ADCY10: variants seen among roughly 807,000 people sequenced by gnomAD.
The protein encoded by ADCY10 is adenylate cyclase type 10.
Under a neutral mutation model 183.3 loss-of-function variants are expected in ADCY10, and 156 were observed. The observed-to-expected ratio is 0.85, with a 90% CI of 0.75 to 0.97. The LOEUF (loss-of-function observed/expected upper bound fraction) is 0.97. ADCY10 is among the 50% of genes least tolerant of loss of function. The pLI is 0.00. For synonymous variants in ADCY10, 645 were observed against 670.0 expected, an observed-to-expected ratio of 0.96 and a Z score of 0.58; for missense variants, 1,745 against 1,934.3, an observed-to-expected ratio of 0.90 and a Z score of 1.84.
intron 25 of ADCY10, among the ~76,000 whole-genome samples, chr1:167,832,717 A>G (rs552348226): frequency 6.6e-6 from 1 of 152,332 alleles, no homozygotes; most frequent in Non-Finnish European, 1.5e-5. Flanking sequence ...TAGATGAGTT[A>G]GGACGGACCC....
chr1:167,888,758 C>A (rs1316186442), intron 8 of ADCY10, among the ~76,000 whole-genome samples: 1 of 151,722 alleles, frequency 6.6e-6, no homozygotes, highest in South Asian at 2.1e-4. Flanking sequence ...CGCCTGTGGT[C>A]CCAGCTACTC....
chr1:167,812,709 A>G (rs1662297583), intron 31 of ADCY10, among the ~76,000 whole-genome samples: 2 of 152,208 alleles, frequency 1.3e-5, no homozygotes, highest in African/African-American at 4.8e-5. Flanking sequence ...CTACACAAAG[A>G]TTTTTAAACA....
chr1:167,837,415 T>C (rs750512751), intron 21 of ADCY10, 97 bp from the exon 22 acceptor site: 12 of 1,077,992 alleles, frequency 1.1e-5, no homozygotes, highest in East Asian at 7.4e-5. Flanking sequence ...CTTTTCGGAG[T>C]TGTTGCTGCC....
chr1:167,906,000 GA>G lies in ADCY10; in HGVS notation c.-58-803del, dbSNP rs1208133036. Reference sequence around the variant, plus strand: ...CCAAGTTACTGGAATAGGTTATACAGAAAATATAAGAGGATTTGTTTTTTTA... The same window carrying G: ...CCAAGTTACTGGAATAGGTTATACAGAAATATAAGAGGATTTGTTTTTTTA... On this transcript the variant is annotated intron_variant, in intron 1 of 32. Coordinates refer to ENST00000367851, the MANE Select transcript of ADCY10 (RefSeq NM_018417.6). 2.6e-5 allele frequency among the ~76,000 whole-genome samples: 4 copies of G among 152,240 alleles called. No individual in the cohort carries two copies. In the East Asian group the frequency reaches 7.7e-4, roughly 29 times the overall value.
At chr1:167,881,796 G>T (rs186264083) in intron 9 of ADCY10, among the ~76,000 whole-genome samples, 1 of 152,344 alleles carries the variant, frequency 6.6e-6, no homozygotes, top group East Asian at 1.9e-4. Context: ...TTGGAGCCAT[G>T]TCTGCAAGAC....
chr1:167,873,343 C>T (rs1182108471), intron 13 of ADCY10, among the ~76,000 whole-genome samples: 1 of 152,132 alleles, frequency 6.6e-6, no homozygotes, highest in East Asian at 1.9e-4. Flanking sequence ...TTTCTGCTGG[C>T]CCAAGTGTTT....
intron 1 of ADCY10, among the ~76,000 whole-genome samples, chr1:167,908,986 A>T (rs1669979924): frequency 6.6e-6 from 1 of 152,244 alleles, no homozygotes; most frequent in Non-Finnish European, 1.5e-5. Context: ...AAGGTGAGCA[A>T]ATCCGTGTAA....
intron 25 of ADCY10, among the ~76,000 whole-genome samples, chr1:167,832,317 A>G (rs1663795972): frequency 6.6e-6 from 1 of 152,214 alleles, no homozygotes; most frequent in African/African-American, 2.4e-5. Flanking sequence ...AGCAAACAAG[A>G]GTATGATGAG....
In ADCY10 at chr1:167,904,819, A is replaced by C. The variant is rs921661939; in HGVS notation, c.148+174T>G. The C allele has an allele frequency of 4.1e-5, 32 of 787,512 alleles. 1 individual carries two copies. The highest frequency in any genetic ancestry group is 6.3e-5 in the Admixed American group (3 of 47,676). 48.8% of individuals were successfully genotyped at this position (787,512 alleles called of 1,614,324 possible). ...AGTCCTGAGTAAGGGAGGATGAGAG[A>C]GAGCCAGGGCCACAAGCTATTTCCT... is the stretch of plus-strand genomic sequence containing the variant. On this transcript the variant is annotated intron_variant, in intron 2 of 32. Transcript: ENST00000367851.
chr1:167,891,789 C>T (rs1668613990), intron 8 of ADCY10, among the ~76,000 whole-genome samples: 1 of 152,004 alleles, frequency 6.6e-6, no homozygotes, highest in Non-Finnish European at 1.5e-5. Context: ...CGAAATAGCA[C>T]AGAAGTGTCA....
chr1:167,833,873 T>A, intron 24 of ADCY10, 97 bp downstream of exon 24: 1 of 946,206 alleles, frequency 1.1e-6, no homozygotes, highest in African/African-American at 1.6e-5. Context: ...TGGCAAGAGA[T>A]GGGAGGAGGG....
chr1:167,816,616 A>C (rs1662546214), intron 31 of ADCY10, among the ~76,000 whole-genome samples: 1 of 152,206 alleles, frequency 6.6e-6, no homozygotes, highest in African/African-American at 2.4e-5. Context: ...CAACAAAAAA[A>C]GAATTGCCTT....
rs71100905 is a variant in ADCY10, at chr1:167,841,502, C to CT, written c.3007+4060dup. 9.9e-3 allele frequency among the ~76,000 whole-genome samples: 896 copies of CT among 90,892 alleles called. 13 individuals carry two copies. Among genetic ancestry groups the CT allele is most frequent in the Non-Finnish European group, 0.012 (621 of 52,420 alleles). 59.6% of individuals were successfully genotyped at this position (90,892 alleles called of 152,430 possible). On this transcript the variant is annotated intron_variant, in intron 21 of 32. Coordinates refer to ENST00000367851, the MANE Select transcript of ADCY10 (RefSeq NM_018417.6). ...TTTATCGCTTATACTATATGCTTTCCTTTTTTTTTTTTTTTTTTTTTAAGA... is the reference window on the plus strand; with the variant it reads ...TTTATCGCTTATACTATATGCTTTCCTTTTTTTTTTTTTTTTTTTTTTAAGA...
rs1477269470 is a variant in ADCY10, at chr1:167,848,555, A to G, written c.2309-66T>C. The G allele has an allele frequency of 1.7e-5, 27 of 1,592,274 alleles. No homozygotes were observed. The South Asian group carries it at 2.1e-4, about 12-fold the overall frequency. On this transcript the variant is annotated intron_variant, in intron 18 of 32. Transcript: ENST00000367851. ...CTGTCTTATAAGGTCTGATTTTCCAATGAACTTTGAGATGGATCTCATATG... is the reference window on the plus strand; with the variant it reads ...CTGTCTTATAAGGTCTGATTTTCCAGTGAACTTTGAGATGGATCTCATATG...
intron 31 of ADCY10, among the ~76,000 whole-genome samples, chr1:167,813,305 C>T (rs1221047688): frequency 6.6e-6 from 1 of 151,916 alleles, no homozygotes; most frequent in Non-Finnish European, 1.5e-5. Context: ...GAGCAGATTT[C>T]TCATCTGAAA....
chr1:167,898,775 C>T (rs533596764), intron 6 of ADCY10, among the ~76,000 whole-genome samples: 1 of 152,188 alleles, frequency 6.6e-6, no homozygotes, highest in East Asian at 1.9e-4. Flanking sequence ...AGCATCTGCA[C>T]GGATTCTCTG....
At chr1:167,844,190 G>A (rs1664841385) in intron 21 of ADCY10, among the ~76,000 whole-genome samples, 1 of 152,204 alleles carries the variant, frequency 6.6e-6, no homozygotes. Flanking sequence ...TCAGGTAGGT[G>A]TACATTCCCC....
At chr1:167,828,400 G>C (rs760704876) in intron 26 of ADCY10, among the ~76,000 whole-genome samples, 3 of 152,070 alleles carry the variant, frequency 2.0e-5, no homozygotes, top group Non-Finnish European at 4.4e-5. Context: ...TTTTAAAAAA[G>C]AATTATCCTT....
chr1:167,815,251 A>C (rs1252440171), intron 31 of ADCY10, among the ~76,000 whole-genome samples: 1 of 152,200 alleles, frequency 6.6e-6, no homozygotes, highest in African/African-American at 2.4e-5. Flanking sequence ...TGGAGGAAAA[A>C]AAATCTCTCA....
Sources: gnomAD v4.1 joint callset for allele counts (sites outside exome capture counted in the v4.1 genomes callset) on GRCh38, gnomAD v4.1.1 for gene constraint, MANE v1.5 for transcripts, NCBI Gene and HGNC (gene_info 2026-07-23, HGNC 2026-07-21) for gene names.